Variants in DGKI observed in about 807,000 individuals in gnomAD.
DGKI encodes the protein DAG kinase iota.
A neutral mutation model predicts 147.5 loss-of-function variants in DGKI; 55 were observed. The ratio of observed to expected loss-of-function variants is 0.37; its 90% confidence interval spans 0.30 to 0.47. The LOEUF is 0.47. Among genes scored for constraint, DGKI ranks in the 20% least tolerant of loss-of-function variants. The pLI, the probability that DGKI is intolerant of heterozygous loss-of-function variation, is 1.00. For missense variants in DGKI, 1,007 were observed against 1,323.8 expected (o/e 0.76, Z 3.71); for synonymous variants, 469 against 477.1 (o/e 0.98, Z 0.22).
intron 15 of DGKI, among the ~76,000 whole-genome samples, chr7:137,580,140 G>C (rs933925465): frequency 6.6e-6 from 1 of 152,008 alleles, no homozygotes; most frequent in African/African-American, 2.4e-5. Flanking sequence ...TATTCATTTA[G>C]ACCTCTTTTC....
In DGKI at chr7:137,585,378, C is replaced by T. The variant is rs117320136; in HGVS notation, c.1426-32G>A. ...AATCAGAGAACATATCCATTGCTGT[C>T]CAGAGTGGAGAACAGTGAAGCCAAT... On this transcript the variant is annotated intron_variant, in intron 13 of 32. Coordinates refer to ENST00000614521, the MANE Select transcript of DGKI (RefSeq NM_001321708.2). 5,468 of 1,607,992 alleles carry T rather than the reference C, an allele frequency of 3.4e-3. 21 individuals carry two copies. Among genetic ancestry groups the T allele is most frequent in the South Asian group, 6.2e-3 (555 of 89,922 alleles).
chr7:137,477,866 AC>A (rs1815230688), intron 23 of DGKI, among the ~76,000 whole-genome samples: 1 of 152,022 alleles, frequency 6.6e-6, no homozygotes, highest in African/African-American at 2.4e-5. Context: ...TCACCATGTT[AC>A]CCAGACTGGT....
chr7:137,651,214 GA>G (rs760841662), intron 5 of DGKI, among the ~76,000 whole-genome samples: 5 of 152,182 alleles, frequency 3.3e-5, no homozygotes, highest in Non-Finnish European at 4.4e-5. Flanking sequence ...GTCATGGGTG[GA>G]TTGAAAGTGA....
intron 3 of DGKI, among the ~76,000 whole-genome samples, chr7:137,674,450 G>A (rs1413880176): frequency 1.3e-5 from 2 of 152,116 alleles, no homozygotes; most frequent in Non-Finnish European, 2.9e-5. Context: ...TGTCCCATAA[G>A]CTAGGGTGAT....
chr7:137,472,137 A>G (rs1279014542), intron 23 of DGKI, among the ~76,000 whole-genome samples: 1 of 123,572 alleles, frequency 8.1e-6, no homozygotes, highest in Non-Finnish European at 1.6e-5. Flanking sequence ...ATACACATAT[A>G]TATGTGTATA....
intron 28 of DGKI, among the ~76,000 whole-genome samples, chr7:137,438,207 A>G (rs1442955825): frequency 6.6e-6 from 1 of 152,128 alleles, no homozygotes; most frequent in Non-Finnish European, 1.5e-5. Flanking sequence ...AGAATACATT[A>G]AAAAGTTCAT....
chr7:137,398,774 T>G (rs929713850), intron 30 of DGKI, among the ~76,000 whole-genome samples: 7 of 151,786 alleles, frequency 4.6e-5, no homozygotes, highest in Admixed American at 4.6e-4. Flanking sequence ...CTCTCCTATT[T>G]GTCTTTTCTG....
chr7:137,428,566 A>T (rs896835142), intron 28 of DGKI, among the ~76,000 whole-genome samples: 2 of 152,174 alleles, frequency 1.3e-5, no homozygotes, highest in Admixed American at 6.5e-5. Context: ...ATTAGGCAGG[A>T]GAAGGAAATA....
At chr7:137,624,823 G>T (rs754934506) in intron 6 of DGKI, among the ~76,000 whole-genome samples, 16 of 152,082 alleles carry the variant, frequency 1.1e-4, no homozygotes, top group Non-Finnish European at 1.8e-4. Flanking sequence ...AGCCAGGATG[G>T]TCTCAATCTC....
chr7:137,475,124 A>C (rs1815124367), intron 23 of DGKI, among the ~76,000 whole-genome samples: 1 of 152,200 alleles, frequency 6.6e-6, no homozygotes, highest in African/African-American at 2.4e-5. Context: ...GACACAGGCC[A>C]CATTTCAGAC....
At chr7:137,514,570 C>CCTTGGTATTGCTCCTT (rs1816690339) in intron 21 of DGKI, among the ~76,000 whole-genome samples, 1 of 152,168 alleles carries the variant, frequency 6.6e-6, no homozygotes, top group Non-Finnish European at 1.5e-5. Context: ...ATAGGCTCCT[C>CCTTGGTATTGCTCCTT]CTTGGTATTG....
intron 10 of DGKI, among the ~76,000 whole-genome samples, chr7:137,608,577 TTG>T: frequency 6.6e-6 from 1 of 152,246 alleles, no homozygotes; most frequent in East Asian, 1.9e-4. Context: ...ATGAAAGTGG[TTG>T]TATCTAAATT....
In DGKI at chr7:137,390,725, ACAT is replaced by A. The variant is rs1411887194; in HGVS notation, c.*492_*494del. The A allele has an allele frequency of 6.4e-6, 1 of 156,736 alleles. No homozygotes were observed. The highest frequency in any genetic ancestry group is 2.4e-5 in the African/African-American group (1 of 41,454). The allele number at this position is 156,736 out of a possible 1,614,324, so 9.7% of individuals were successfully genotyped here. On this transcript the variant is annotated 3_prime_UTR_variant, in exon 33 of 33. Transcript: ENST00000614521. ...GGTTTTACAGTTATATTTCTGCAGGACATTCAGAAGGTTTTAGAAGGCCTTCAG... is the reference window on the plus strand; with the variant it reads ...GGTTTTACAGTTATATTTCTGCAGGATCAGAAGGTTTTAGAAGGCCTTCAG...
intron 8 of DGKI, among the ~76,000 whole-genome samples, chr7:137,615,342 T>C (rs139464761): frequency 1.6e-4 from 25 of 152,276 alleles, no homozygotes; most frequent in African/African-American, 5.5e-4. Flanking sequence ...TTCCCCACTA[T>C]TGAGTATACT....
intron 20 of DGKI, among the ~76,000 whole-genome samples, chr7:137,527,418 C>A (rs1209009958): frequency 6.6e-6 from 1 of 152,108 alleles, no homozygotes; most frequent in Non-Finnish European, 1.5e-5. Context: ...AGTAGGGATA[C>A]AAGATTCAGT....
Position 137,730,128 on chromosome 7 carries a change from A to C in DGKI, c.402-40126T>G, listed in dbSNP as rs367945787. On this transcript the variant is annotated intron_variant, in intron 1 of 32. Transcript: ENST00000614521. The stretch of plus-strand genomic sequence containing the variant: ...CCTTCTTATCTCTGGCATGGCATTC[A>C]TGCCTATAGCTCTAATAGGCCGCCT... Among the ~76,000 whole-genome samples, 4 of 152,220 alleles carry C rather than the reference A, an allele frequency of 2.6e-5. No individual in the cohort carries two copies. The South Asian group carries it at 8.3e-4, about 32-fold the overall frequency.
At chr7:137,407,735 G>T in intron 30 of DGKI, 140 bp downstream of exon 30, 1 of 1,075,698 alleles carries the variant, frequency 9.3e-7, no homozygotes, top group Non-Finnish European at 1.4e-6. Flanking sequence ...CCTCAAATAA[G>T]CAGGGGCAGA....
At chr7:137,431,917 C>A (rs1442416966) in intron 28 of DGKI, among the ~76,000 whole-genome samples, 1 of 152,212 alleles carries the variant, frequency 6.6e-6, no homozygotes, top group Admixed American at 6.5e-5. Flanking sequence ...CCCACCAAAT[C>A]TCATGTTGAA....
chr7:137,597,616 A>G (rs1335094700), intron 12 of DGKI, among the ~76,000 whole-genome samples: 1 of 152,218 alleles, frequency 6.6e-6, no homozygotes, highest in East Asian at 1.9e-4. Flanking sequence ...CATGGCACAC[A>G]AAAGAATACA....
Sources: allele counts gnomAD v4.1 joint callset (sites outside exome capture counted in the v4.1 genomes callset), GRCh38; gene constraint gnomAD v4.1.1; transcripts MANE v1.5; gene names NCBI Gene and HGNC (gene_info 2026-07-23, HGNC 2026-07-21).